MYO18B: variants seen among roughly 807,000 people sequenced by gnomAD.
MYO18B encodes unconventional myosin-XVIIIb.
Under a neutral mutation model 273.0 loss-of-function variants are expected in MYO18B, and 204 were observed. The observed-to-expected ratio is 0.75, with a 90% CI of 0.67 to 0.84. The LOEUF is 0.84. Ranked by LOEUF, MYO18B falls within the 40% of genes least tolerant of loss-of-function variation. The pLI is 0.00. For synonymous variants in MYO18B, 1,330 were observed against 1,305.7 expected (o/e 1.02, Z -0.40); for missense variants, 3,212 against 3,287.6 (o/e 0.98, Z 0.56).
intron 39 of MYO18B, among the ~76,000 whole-genome samples, chr22:25,966,918 G>T (rs2092985674): frequency 6.6e-6 from 1 of 152,146 alleles, no homozygotes; most frequent in Non-Finnish European, 1.5e-5. Context: ...TTTGCGTCTG[G>T]CTCTGAGATG....
At chr22:25,801,939 T>TACCTCCC (rs2088215437) in intron 12 of MYO18B, among the ~76,000 whole-genome samples, 1 of 152,158 alleles carries the variant, frequency 6.6e-6, no homozygotes, top group African/African-American at 2.4e-5. Flanking sequence ...CCACACCTCC[T>TACCTCCC]ACCTCCCACC....
chr22:25,752,810 T>C (rs2085973860), intron 1 of MYO18B, among the ~76,000 whole-genome samples: 1 of 152,184 alleles, frequency 6.6e-6, no homozygotes, highest in Non-Finnish European at 1.5e-5. Context: ...CGGCTCCCTC[T>C]GCTTGCCGGG....
At chr22:25,769,531 G>C in intron 4 of MYO18B, 103 bp downstream of exon 4, 5 of 1,095,284 alleles carry the variant, frequency 4.6e-6, no homozygotes, top group Non-Finnish European at 6.3e-6. Flanking sequence ...GGGTGGACGG[G>C]GGGTGGGCAG....
chr22:25,782,765 C>T (rs547995880), intron 10 of MYO18B, among the ~76,000 whole-genome samples: 5 of 152,202 alleles, frequency 3.3e-5, no homozygotes, highest in Non-Finnish European at 7.3e-5. Flanking sequence ...GCTGGAGGGA[C>T]AGCTGTAACC....
At chr22:26,046,350 A>C in the MYO18B span, among the ~76,000 whole-genome samples, 1 of 152,230 alleles carries the variant, frequency 6.6e-6, no homozygotes, top group Admixed American at 6.5e-5. Context: ...GAGAGAAGGC[A>C]ATTTCACCTT....
intron 22 of MYO18B, among the ~76,000 whole-genome samples, chr22:25,871,803 AAAAC>A (rs1478779009): frequency 1.3e-5 from 2 of 152,178 alleles, no homozygotes; most frequent in African/African-American, 4.8e-5. Context: ...CAAAAAACAA[AAAAC>A]AAAAAACCAG....
chr22:25,922,379 T>C (rs2092360517), intron 34 of MYO18B, among the ~76,000 whole-genome samples: 1 of 151,824 alleles, frequency 6.6e-6, no homozygotes, highest in Non-Finnish European at 1.5e-5. Flanking sequence ...GGGCAGCTAG[T>C]GTTGAGAAGT....
Position 26,003,253 on chromosome 22 carries a change from G to T in MYO18B, c.6288-12G>T. ...ACGAGGATAACACACTCTTTCTTGT[G>T]CCTCTTACTAGTGTCCAGACGGCAG... On this transcript the variant is annotated splice_polypyrimidine_tract_variant and intron_variant, in intron 40 of 43. Coordinates refer to ENST00000335473, the MANE Select transcript of MYO18B (RefSeq NM_032608.7). The T allele has an allele frequency of 6.2e-7, 1 of 1,606,256 alleles. No individual in the cohort carries two copies. Among genetic ancestry groups the T allele is most frequent in the South Asian group, 1.1e-5 (1 of 89,212 alleles).
intron 1 of MYO18B, among the ~76,000 whole-genome samples, chr22:25,753,003 C>T (rs930095934): frequency 2.6e-5 from 4 of 152,216 alleles, no homozygotes; most frequent in Non-Finnish European, 2.9e-5. Context: ...GCCCGCGCTG[C>T]GCTCGAATTC....
At position 25,780,590 on chromosome 22, in the gene MYO18B, CAAAAAAAAAAAAAAAAAAAAAA is replaced by C. The variant is rs59082074; in HGVS notation, c.2211+407_2211+428del. On this transcript the variant is annotated intron_variant, in intron 9 of 43. Transcript: ENST00000335473. ...GGGCAGCAAGAGCGAAACTCCATCT[CAAAAAAAAAAAAAAAAAAAAAA>C]AAAAAAAAAAAAAAGAAAGAAAGAA... Among the ~76,000 whole-genome samples, 7 of 65,206 alleles carry C rather than the reference CAAAAAAAAAAAAAAAAAAAAAA, an allele frequency of 1.1e-4. No individual in the cohort carries two copies. The East Asian group carries it at 3.3e-3, about 31-fold the overall frequency. The allele number at this position is 65,206 out of a possible 152,430, so 42.8% of individuals were successfully genotyped here.
chr22:26,022,196 A>T (rs1935878038), intron 42 of MYO18B, among the ~76,000 whole-genome samples: 2 of 150,996 alleles, frequency 1.3e-5, no homozygotes, highest in South Asian at 4.2e-4. Context: ...CATGTTGATT[A>T]TCTGACATCC....
At chr22:25,789,099 T>TTCC (rs796568561) in intron 11 of MYO18B, among the ~76,000 whole-genome samples, 3 of 77,094 alleles carry the variant, frequency 3.9e-5, no homozygotes, top group East Asian at 1.8e-3. Flanking sequence ...CTCCTTCTTC[T>TTCC]TCCTCCTCCT....
At chr22:26,002,763 G>C (rs183220568) in intron 40 of MYO18B, among the ~76,000 whole-genome samples, 25 of 151,400 alleles carry the variant, frequency 1.7e-4, no homozygotes, top group Non-Finnish European at 1.2e-4. Flanking sequence ...AGATGAGATT[G>C]TGTGGGTAGC....
At position 25,847,534 on chromosome 22, in the gene MYO18B, AC is replaced by A; in HGVS notation, c.3659del (p.Pro1220ArgfsTer21). On this transcript the variant is annotated frameshift_variant, in exon 20 of 44. Coordinates refer to ENST00000335473, the MANE Select transcript of MYO18B (RefSeq NM_032608.7). LOFTEE classifies it high-confidence loss of function. ...GGAGTGGGCAGGAATCTCCACCACC[AC>A]CGCAGCCTGGTAGAGACAAGCCTGG... ...SRSGQESPPP[P>X]QPGRDKPGAG... The A allele has an allele frequency of 6.4e-7, 1 of 1,573,932 alleles. No individual in the cohort carries two copies. The highest frequency in any genetic ancestry group is 8.6e-7 in the Non-Finnish European group (1 of 1,159,590).
At chr22:25,878,387 T>C (rs755890320) in intron 25 of MYO18B, among the ~76,000 whole-genome samples, 4 of 152,198 alleles carry the variant, frequency 2.6e-5, no homozygotes, top group Non-Finnish European at 5.9e-5. Flanking sequence ...AATAATGAAC[T>C]TTTGTTTATC....
At chr22:25,839,106 GTGTGTATATATGTATGAGTGTT>G (rs2090000921) in intron 17 of MYO18B, among the ~76,000 whole-genome samples, 1 of 145,320 alleles carries the variant, frequency 6.9e-6, no homozygotes. Flanking sequence ...GTGTGTGCGT[GTGTGTATATATGTATGAGTGTT>G]TGTGTATATG....
chr22:25,905,553 G>A (rs1190597485), intron 31 of MYO18B, among the ~76,000 whole-genome samples: 3 of 152,046 alleles, frequency 2.0e-5, no homozygotes, highest in African/African-American at 4.8e-5. Flanking sequence ...TACTGAAGAG[G>A]GAAGCTGGAG....
intron 12 of MYO18B, among the ~76,000 whole-genome samples, chr22:25,799,770 A>C (rs1654693449): frequency 1.3e-5 from 2 of 152,236 alleles, no homozygotes; most frequent in South Asian, 2.1e-4. Context: ...TGTAGAAGTC[A>C]TACTGAGTCA....
intron 34 of MYO18B, among the ~76,000 whole-genome samples, chr22:25,945,680 CTCT>C (rs2092695336): frequency 6.9e-6 from 1 of 145,138 alleles, no homozygotes; most frequent in Non-Finnish European, 1.5e-5. Context: ...ATGAGGAGGC[CTCT>C]CCTCTCCCCT....
Sources: gnomAD v4.1 joint callset for allele counts (sites outside exome capture counted in the v4.1 genomes callset) on GRCh38, gnomAD v4.1.1 for gene constraint, MANE v1.5 for transcripts, NCBI Gene and HGNC (gene_info 2026-07-23, HGNC 2026-07-21) for gene names.